RNF217: variants seen among roughly 807,000 people sequenced by gnomAD.
RNF217 encodes ring finger protein 217, also known as E3 ubiquitin-protein ligase RNF217.
Under a neutral mutation model 57.8 loss-of-function variants are expected in RNF217, and 31 were observed. The ratio of observed to expected loss-of-function variants is 0.54; its 90% CI spans 0.40 to 0.72. The LOEUF is 0.72. RNF217 is among the 30% of genes least tolerant of loss of function. RNF217 has a pLI of 0.00. For missense variants in RNF217, 696 were observed against 708.3 expected (o/e 0.98, Z 0.20); for synonymous variants, 313 against 294.0 (o/e 1.06, Z -0.66).
At chr6:125,020,956 G>A (rs1007070972) in intron 1 of RNF217, among the ~76,000 whole-genome samples, 6 of 152,086 alleles carry the variant, frequency 3.9e-5, no homozygotes, top group South Asian at 2.1e-4. Context: ...CTAAATGATA[G>A]AATTCATCAT....
chr6:125,004,064 G>T (rs113330934), intron 1 of RNF217, among the ~76,000 whole-genome samples: 5,410 of 152,174 alleles, frequency 0.036, 345 homozygotes, highest in African/African-American at 0.12. Flanking sequence ...AGGGGTTACA[G>T]TTTTTTTCTT....
intron 3 of RNF217, among the ~76,000 whole-genome samples, chr6:125,069,028 G>C (rs780027596): frequency 8.6e-5 from 13 of 151,974 alleles, no homozygotes; most frequent in Non-Finnish European, 1.6e-4. Flanking sequence ...GAAGTGGTGT[G>C]GTAAAGAAGA....
chr6:124,966,487 A>G (rs1366973782), intron 1 of RNF217, among the ~76,000 whole-genome samples: 1 of 152,224 alleles, frequency 6.6e-6, no homozygotes, highest in Non-Finnish European at 1.5e-5. Flanking sequence ...TGTCAAGCCT[A>G]AACTTTCAGG....
At chr6:125,042,585 C>A (rs1039078290) in intron 1 of RNF217, among the ~76,000 whole-genome samples, 1 of 151,922 alleles carries the variant, frequency 6.6e-6, no homozygotes, top group African/African-American at 2.4e-5. Context: ...ATATATTCTT[C>A]GGAAATTGAA....
At chr6:124,983,526 A>G (rs1367828308) in intron 1 of RNF217, 1 of 974,964 alleles carries the variant, frequency 1.0e-6, no homozygotes, top group Non-Finnish European at 1.2e-6. Flanking sequence ...TTAAAGGTAG[A>G]TACTAAATAC....
At chr6:124,968,656 A>G (rs976636863) in intron 1 of RNF217, among the ~76,000 whole-genome samples, 6 of 152,286 alleles carry the variant, frequency 3.9e-5, no homozygotes, top group Non-Finnish European at 7.3e-5. Flanking sequence ...ACTGCCTAAA[A>G]TATCTCAAAT....
At chr6:125,027,773 A>G (rs1786170442) in intron 1 of RNF217, among the ~76,000 whole-genome samples, 1 of 152,176 alleles carries the variant, frequency 6.6e-6, no homozygotes, top group African/African-American at 2.4e-5. Flanking sequence ...TCCCACCAAA[A>G]GTGTACAAAG....
At position 125,090,984 on chromosome 6, in the gene RNF217, CAAAAG is replaced by C. The variant is rs1788926023; in HGVS notation, c.*8051_*8055del. 2 of 151,798 alleles carry C rather than the reference CAAAAG, an allele frequency of 1.3e-5. No individual in the cohort carries two copies. The highest frequency in any genetic ancestry group is 4.8e-5 in the African/African-American group (2 of 41,382). 9.4% of individuals were successfully genotyped at this position (151,798 alleles called of 1,614,324 possible). ...ACAATGTTGATATGCAGAAATCTCT[CAAAAG>C]AAATTGCAAAGGAAAAATTACGTTG... is the stretch of plus-strand genomic sequence containing the variant. On this transcript the variant is annotated 3_prime_UTR_variant, in exon 6 of 6. Coordinates refer to ENST00000521654, the MANE Select transcript of RNF217 (RefSeq NM_001286398.3).
chr6:125,081,547 A>AG, intron 5 of RNF217, 40 bp downstream of exon 5: 1 of 1,478,522 alleles, frequency 6.8e-7, no homozygotes, highest in Non-Finnish European at 9.4e-7. Context: ...GAATTATCTG[A>AG]GGGCCATAGA....
At chr6:125,081,288 C>T in intron 4 of RNF217, 148 bp from the exon 5 acceptor site, 1 of 596,538 alleles carries the variant, frequency 1.7e-6, no homozygotes, top group Non-Finnish European at 3.0e-6. Flanking sequence ...ATACCTAATC[C>T]TGATACATTT....
chr6:124,982,424 T>G (rs947493126), intron 1 of RNF217, among the ~76,000 whole-genome samples: 1 of 152,156 alleles, frequency 6.6e-6, no homozygotes, highest in African/African-American at 2.4e-5. Flanking sequence ...AGATACTTTT[T>G]CAATATTTAT....
rs1788676187 is a variant in RNF217 at position 125,083,452 on chromosome 6, TATA to T, written c.*518_*520del. The T allele has an allele frequency of 6.6e-6, 1 of 152,128 alleles. No individual in the cohort carries two copies. The highest frequency in any genetic ancestry group is 1.5e-5 in the Non-Finnish European group (1 of 68,034). 9.4% of individuals were successfully genotyped at this position (152,128 alleles called of 1,614,324 possible). On this transcript the variant is annotated 3_prime_UTR_variant, in exon 6 of 6. Transcript: ENST00000521654. Reference sequence around the variant, plus strand: ...TATAATTCTTTTATCTTTCAAATGTTATAATTGCAAAAAATCTCAATGTCCAAA... The same window carrying T: ...TATAATTCTTTTATCTTTCAAATGTTATTGCAAAAAATCTCAATGTCCAAA...
In RNF217 at chr6:125,083,014, T is replaced by A. The variant is rs1788636320; in HGVS notation, c.*77T>A. On this transcript the variant is annotated 3_prime_UTR_variant, in exon 6 of 6. Transcript: ENST00000521654. ...AGGGTACACCCATCTGTGAGTCACA[T>A]CTTGAAAAACACTGAGAGGAACCTT... 2 of 988,610 alleles carry A rather than the reference T, an allele frequency of 2.0e-6. No individual in the cohort carries two copies. Among genetic ancestry groups the A allele is most frequent in the Non-Finnish European group, 2.9e-6 (2 of 681,266 alleles). 61.2% of individuals were successfully genotyped at this position (988,610 alleles called of 1,614,324 possible). A position where few individuals can be genotyped will look rare whatever the true frequency, so the allele number is the denominator to read the frequency against.
intron 3 of RNF217, among the ~76,000 whole-genome samples, chr6:125,060,320 G>A (rs1787681764): frequency 6.6e-6 from 1 of 151,014 alleles, no homozygotes; most frequent in African/African-American, 2.4e-5. Flanking sequence ...ATAACTAAAT[G>A]TATTTAAAAT....
chr6:125,082,860 C>T lies in RNF217; in HGVS notation c.1556-4C>T. On this transcript the variant is annotated splice_region_variant and splice_polypyrimidine_tract_variant and intron_variant, in intron 5 of 5. Transcript: ENST00000521654. ...AACTAACTTTAATTTTTTCTTATCC[C>T]TAGGTTTATTTGTATTTCCTATCTA... The T allele has an allele frequency of 2.5e-6, 4 of 1,594,772 alleles. No individual in the cohort carries two copies. The highest frequency in any genetic ancestry group is 3.4e-6 in the Non-Finnish European group (4 of 1,170,006).
At chr6:125,063,853 A>G (rs1403003353) in intron 3 of RNF217, among the ~76,000 whole-genome samples, 1 of 152,178 alleles carries the variant, frequency 6.6e-6, no homozygotes, top group Non-Finnish European at 1.5e-5. Context: ...TTCATAATTT[A>G]TTATAAATTT....
At chr6:125,023,857 A>G (rs570841515) in intron 1 of RNF217, among the ~76,000 whole-genome samples, 1 of 152,282 alleles carries the variant, frequency 6.6e-6, no homozygotes, top group Admixed American at 6.5e-5. Context: ...CCCTTTATAT[A>G]TGGAATCTTA....
chr6:124,992,876 CT>C (rs1474522863), intron 1 of RNF217, among the ~76,000 whole-genome samples: 1 of 152,012 alleles, frequency 6.6e-6, no homozygotes, highest in African/African-American at 2.4e-5. Context: ...CAGATGACCA[CT>C]CATCTTTTAC....
intron 1 of RNF217, among the ~76,000 whole-genome samples, chr6:125,027,615 A>T (rs1264558598): frequency 6.6e-6 from 1 of 152,208 alleles, no homozygotes; most frequent in Non-Finnish European, 1.5e-5. Flanking sequence ...TGCAACAAAC[A>T]GAAGTGTAGA....
Sources: allele counts gnomAD v4.1 joint callset (sites outside exome capture counted in the v4.1 genomes callset), GRCh38; gene constraint gnomAD v4.1.1; transcripts MANE v1.5; gene names NCBI Gene and HGNC (gene_info 2026-07-23, HGNC 2026-07-21).